The following GLYR1 variants were observed in gnomAD, a reference collection of about 807,000 sequenced individuals.
GLYR1 encodes the protein cytokine-like nuclear factor N-PAC.
GLYR1 carries 21 observed loss-of-function variants against 72.7 expected under a neutral mutation model. That is an observed-to-expected ratio of 0.29 (90% confidence interval 0.20 to 0.42). The LOEUF (loss-of-function observed/expected upper bound fraction) is 0.42. Ranked by LOEUF, GLYR1 falls within the 10% of genes least tolerant of loss-of-function variation. The pLI is 1.00. For missense variants in GLYR1, 594 were observed against 712.1 expected (o/e 0.83, Z 1.89); for synonymous variants, 392 against 270.2 (o/e 1.45, Z -4.42).
At chr16:4,819,003 ACTG>A (rs1339553777) in intron 9 of GLYR1, among the ~76,000 whole-genome samples, 1 of 152,092 alleles carries the variant, frequency 6.6e-6, no homozygotes, top group Non-Finnish European at 1.5e-5. Context: ...GCTGGATGCC[ACTG>A]CTGCTATTTC....
chr16:4,846,295 T>C (rs2086051429), intron 1 of GLYR1, 85 bp from the exon 2 acceptor site: 20 of 1,451,632 alleles, frequency 1.4e-5, no homozygotes, highest in Non-Finnish European at 1.7e-5. Flanking sequence ...TTTATTTTCC[T>C]AAATCTCTGC....
chr16:4,822,535 C>G (rs980393094), intron 7 of GLYR1, among the ~76,000 whole-genome samples: 5 of 149,926 alleles, frequency 3.3e-5, no homozygotes, highest in Non-Finnish European at 7.4e-5. Context: ...GGATTACAGG[C>G]ACGCGCCACC....
intron 5 of GLYR1, among the ~76,000 whole-genome samples, chr16:4,826,198 C>A (rs1294629156): frequency 2.0e-5 from 3 of 152,166 alleles, no homozygotes; most frequent in Non-Finnish European, 4.4e-5. Context: ...CAGGTGTGTG[C>A]CACTACGCCC....
chr16:4,841,252 A>G (rs1567813069), intron 3 of GLYR1, among the ~76,000 whole-genome samples: 1 of 151,810 alleles, frequency 6.6e-6, no homozygotes, highest in South Asian at 2.1e-4. Context: ...ACTCAACTCC[A>G]ATTTTCTGTG....
rs1000884778 is a variant in GLYR1 at position 4,807,059 on chromosome 16, G to A, written c.1588-1749C>T. Among the ~76,000 whole-genome samples, 7 of 149,802 alleles carry A rather than the reference G, an allele frequency of 4.7e-5. No individual in the cohort carries two copies. In the South Asian group the frequency reaches 6.3e-4, roughly 13 times the overall value. ...CTGACCTCGTGATCCACCCGCCTCGGCCTCCCAAAGTGCTGGGATTACAGG... is the reference window on the plus strand; with the variant it reads ...CTGACCTCGTGATCCACCCGCCTCGACCTCCCAAAGTGCTGGGATTACAGG... On this transcript the variant is annotated intron_variant, in intron 15 of 15. Transcript: ENST00000321919.
At chr16:4,823,786 C>T in intron 6 of GLYR1, 35 bp downstream of exon 6, 1 of 1,569,468 alleles carries the variant, frequency 6.4e-7, no homozygotes, top group South Asian at 1.1e-5. Flanking sequence ...TCGCCCTAAG[C>T]CACAGCTTGT....
Position 4,817,394 on chromosome 16 carries a change from C to G in GLYR1, c.906+204G>C, listed in dbSNP as rs1182822574. Among the ~76,000 whole-genome samples, 5 of 152,260 alleles carry G rather than the reference C, an allele frequency of 3.3e-5. No individual in the cohort carries two copies. The East Asian group carries it at 9.7e-4, about 29-fold the overall frequency. On this transcript the variant is annotated intron_variant, in intron 10 of 15. Coordinates refer to ENST00000321919, the MANE Select transcript of GLYR1 (RefSeq NM_032569.4). ...TCAGCCTCCCAAAGTGCTGGGATTA[C>G]AGGAGTGAGCCACCGCGCCAGGCAA...
At chr16:4,818,632 A>G (rs1373849844) in intron 9 of GLYR1, among the ~76,000 whole-genome samples, 1 of 152,164 alleles carries the variant, frequency 6.6e-6, no homozygotes, top group African/African-American at 2.4e-5. Context: ...TCACTGAAGC[A>G]CTGTGTTTAG....
In GLYR1 at chr16:4,823,875, C is replaced by T; in HGVS notation, c.570G>A (p.Lys190=). The T allele has an allele frequency of 3.1e-6, 5 of 1,614,142 alleles. No individual in the cohort carries two copies. Among genetic ancestry groups the T allele is most frequent in the Non-Finnish European group, 3.4e-6 (4 of 1,180,038 alleles). The part of the protein sequence containing the change: ...DLTIPESSTV[K]GMMAGPMAAF... ...CGGCCATCGGTCCGGCCATCATCCC[C>T]TTCACGGTACTAGACTCCGGGATGG... Residue 190 remains lysine (K), a synonymous_variant, in exon 6 of 16, where the codon AAG becomes AAA. Coordinates refer to ENST00000321919, the MANE Select transcript of GLYR1 (RefSeq NM_032569.4).
chr16:4,811,146 G>A, intron 15 of GLYR1, 24 bp downstream of exon 15: 1 of 1,599,482 alleles, frequency 6.3e-7, no homozygotes, highest in Non-Finnish European at 8.5e-7. Flanking sequence ...AAGGGCCTTG[G>A]GGCTTGGGCC....
intron 4 of GLYR1, 148 bp from the exon 5 acceptor site, chr16:4,832,369 C>T: frequency 3.2e-6 from 3 of 950,056 alleles, no homozygotes; most frequent in East Asian, 5.1e-5. Flanking sequence ...TCGTCCCAGA[C>T]ATTGGGAGAA....
chr16:4,825,771 C>T (rs1011999556), intron 5 of GLYR1, among the ~76,000 whole-genome samples: 1 of 152,058 alleles, frequency 6.6e-6, no homozygotes, highest in Non-Finnish European at 1.5e-5. Context: ...CCTGCCTCAG[C>T]CTCCTGAGTA....
Position 4,811,253 on chromosome 16 carries a change from A to G in GLYR1, c.1504T>C (p.Tyr502His), listed in dbSNP as rs750295389. The change falls in exon 15 of 16, where the codon TAC (tyrosine) becomes CAC (histidine). Residue 502 changes from tyrosine to histidine, a missense_variant. Tyr to His is a moderately conservative substitution (Grantham distance 83, BLOSUM62 2). Transcript: ENST00000321919. ...GNFKPDFYLK[Y>H]IQKDLRLAIA... ...GCTAAGCGGAGATCCTTCTGAATGT[A>G]TTTCAGGTAGAAATCAGGCTTAAAG... 6.2e-7 allele frequency: 1 copy of G among 1,614,134 alleles called. No individual in the cohort carries two copies. The highest frequency in any genetic ancestry group is 8.5e-7 in the Non-Finnish European group (1 of 1,180,020).
chr16:4,839,022 G>A (rs542600128), intron 3 of GLYR1, among the ~76,000 whole-genome samples: 5 of 152,292 alleles, frequency 3.3e-5, no homozygotes, highest in African/African-American at 1.2e-4. Flanking sequence ...AAGTAGCTGA[G>A]ACTACAGGTA....
Position 4,815,084 on chromosome 16 carries a change from G to C in GLYR1, c.907-437C>G, listed in dbSNP as rs2083554798. Among the ~76,000 whole-genome samples the C allele has an allele frequency of 2.6e-5, 4 of 152,010 alleles. No individual in the cohort carries two copies. In the South Asian group the frequency reaches 8.3e-4, roughly 32 times the overall value. On this transcript the variant is annotated intron_variant, in intron 10 of 15. Transcript: ENST00000321919. Reference sequence around the variant, plus strand: ...TGTTGTCAGGTTAATAAGACTTCTGGAAGTGCCTAAAAACACTACCATTTT... The same window carrying C: ...TGTTGTCAGGTTAATAAGACTTCTGCAAGTGCCTAAAAACACTACCATTTT...
Position 4,803,956 on chromosome 16 carries a change from T to G in GLYR1, c.*1280A>C, listed in dbSNP as rs1356561916. On this transcript the variant is annotated 3_prime_UTR_variant, in exon 16 of 16. Transcript: ENST00000321919. ...CCGGTCCCCTATCCAAGGACAAATG[T>G]AGGGCCTCTAGGATGTCCCAGACCC... The G allele has an allele frequency of 4.0e-5, 6 of 151,890 alleles. No homozygotes were observed. Among genetic ancestry groups the G allele is most frequent in the African/African-American group, 1.5e-4 (6 of 41,350 alleles). 9.4% of individuals were successfully genotyped at this position (151,890 alleles called of 1,614,324 possible). A position where few individuals can be genotyped will look rare whatever the true frequency, so the allele number is the denominator to read the frequency against.
chr16:4,822,685 G>A (rs767880466), intron 7 of GLYR1, among the ~76,000 whole-genome samples, 190 bp downstream of exon 7: 10 of 152,218 alleles, frequency 6.6e-5, no homozygotes, highest in Non-Finnish European at 1.3e-4. Context: ...CACCGCGCCC[G>A]GCCTGGATTT....
At position 4,822,918 on chromosome 16, in the gene GLYR1, G is replaced by C. The variant is rs199741246; in HGVS notation, c.638C>G (p.Ala213Gly). 12 of 1,614,074 alleles carry C rather than the reference G, an allele frequency of 7.4e-6. No homozygotes were observed. The East Asian group carries it at 2.5e-4, about 33-fold the overall frequency. Residue 213 changes from alanine (A) to glycine (G), a missense_variant, in exon 7 of 16, where the codon GCA (alanine) becomes GGA (glycine). Physicochemically the swap from Ala to Gly is moderately conservative, Grantham distance 60 (BLOSUM62 0). Coordinates refer to ENST00000321919, the MANE Select transcript of GLYR1 (RefSeq NM_032569.4). Reference sequence around the variant, plus strand: ...CAGGAAATGATGGAAATGAGGATCTGCATCTTTAACAGGCTGAAACCAGAA... The same window carrying C: ...CAGGAAATGATGGAAATGAGGATCTCCATCTTTAACAGGCTGAAACCAGAA... ...QPTASEPVKDADPHFHHFLLS... is the reference protein window; with the variant it reads ...QPTASEPVKDGDPHFHHFLLS...
chr16:4,832,361 G>A (rs1453026036), intron 4 of GLYR1, 140 bp from the exon 5 acceptor site: 27 of 1,033,278 alleles, frequency 2.6e-5, no homozygotes, highest in Non-Finnish European at 3.4e-5. Context: ...TTCTGCTGTC[G>A]TCCCAGACAT....
Sources: gnomAD v4.1 joint callset for allele counts (sites outside exome capture counted in the v4.1 genomes callset) on GRCh38, gnomAD v4.1.1 for gene constraint, MANE v1.5 for transcripts, NCBI Gene and HGNC (gene_info 2026-07-23, HGNC 2026-07-21) for gene names.